The following FRY variants were observed in gnomAD, a reference collection of about 807,000 sequenced individuals.
FRY encodes the protein FRY microtubule binding protein.
A neutral mutation model predicts 348.4 loss-of-function variants in FRY; 128 were observed. That is an observed-to-expected ratio of 0.37 (90% CI 0.32 to 0.43). The LOEUF is 0.43. Ranked by LOEUF, FRY falls within the 20% of genes least tolerant of loss-of-function variation. The pLI is 1.00. For synonymous variants in FRY, 1,370 were observed against 1,374.7 expected (o/e 1.00, Z 0.08); for missense variants, 2,736 against 3,695.2 (o/e 0.74, Z 6.73).
chr13:32,060,478 C>T (rs922998270), intron 1 of FRY, among the ~76,000 whole-genome samples: 1 of 152,186 alleles, frequency 6.6e-6, no homozygotes, highest in Non-Finnish European at 1.5e-5. Flanking sequence ...TATGGTTTCT[C>T]GCTGACTCTT....
intron 2 of FRY, among the ~76,000 whole-genome samples, chr13:32,093,190 C>A (rs1876447923): frequency 6.6e-6 from 1 of 152,134 alleles, no homozygotes; most frequent in Non-Finnish European, 1.5e-5. Context: ...TAAAAAAATT[C>A]TTCTCTAAAC....
At chr13:32,077,775 T>C (rs1875181847) in intron 1 of FRY, among the ~76,000 whole-genome samples, 1 of 152,196 alleles carries the variant, frequency 6.6e-6, no homozygotes. Flanking sequence ...GACACCACCA[T>C]TCTCTTGATG....
intron 13 of FRY, among the ~76,000 whole-genome samples, chr13:32,148,348 G>A (rs1458468816): frequency 6.6e-6 from 1 of 152,086 alleles, no homozygotes; most frequent in Non-Finnish European, 1.5e-5. Flanking sequence ...AAAATTTGAG[G>A]AATAAATAAT....
At chr13:32,144,432 G>T (rs150662191) in intron 11 of FRY, among the ~76,000 whole-genome samples, 1,916 of 150,978 alleles carry the variant, frequency 0.013, 68 homozygotes, top group Admixed American at 0.063. Context: ...TTAAAATGAT[G>T]TTGTATTAGT....
chr13:32,130,246 G>T (rs919951364), intron 7 of FRY, among the ~76,000 whole-genome samples: 1 of 151,796 alleles, frequency 6.6e-6, no homozygotes, highest in South Asian at 2.1e-4. Flanking sequence ...TCACCATGTT[G>T]GTCAGGCTGG....
rs746843324 is a variant in FRY, at chr13:32,231,270, G to C, written c.5497G>C (p.Val1833Leu). ...AEQLTNFLRH[V>L]VSVFKDSKSG... ...ACAGCTCACTAATTTTCTACGTCACGTTGTATCTGTATTTAAAGATTCCAA... is the reference window on the plus strand; with the variant it reads ...ACAGCTCACTAATTTTCTACGTCACCTTGTATCTGTATTTAAAGATTCCAA... Residue 1833 changes from valine (V) to leucine (L), a missense_variant, in exon 41 of 61, where the codon GTT becomes CTT. By Grantham distance (32) the Val-to-Leu change is conservative. This residue lies in a region of FRY where 794 missense variants were observed against 977.0 expected (regional missense o/e 0.81). Coordinates refer to ENST00000542859, the MANE Select transcript of FRY (RefSeq NM_023037.3). The C allele has an allele frequency of 2.5e-6, 4 of 1,613,334 alleles. No individual in the cohort carries two copies. In the Admixed American group the frequency reaches 6.7e-5, roughly 27 times the overall value.
chr13:32,265,438 T>C lies in FRY; in HGVS notation c.7780-12T>C. ...CACATTGGGGGATTCTTTTGTCTTT[T>C]TATTCTTCCAGGCTGAAGCTGTTCG... On this transcript the variant is annotated splice_polypyrimidine_tract_variant and intron_variant, in intron 53 of 60. Transcript: ENST00000542859. 1.9e-6 allele frequency: 3 copies of C among 1,613,984 alleles called. No homozygotes were observed. The highest frequency in any genetic ancestry group is 2.5e-6 in the Non-Finnish European group (3 of 1,179,902).
chr13:32,184,719 C>T (rs1259830415), intron 25 of FRY, 28 bp downstream of exon 25: 1 of 1,254,060 alleles, frequency 8.0e-7, no homozygotes, highest in Non-Finnish European at 1.2e-6. Flanking sequence ...CCGAGTTGCT[C>T]TCTTCTCACC....
At chr13:32,041,283 CTTTTTTTT>C (rs11286980) in intron 1 of FRY, among the ~76,000 whole-genome samples, 16 of 65,006 alleles carry the variant, frequency 2.5e-4, no homozygotes, top group South Asian at 7.3e-4. Context: ...TAATCTTCTG[CTTTTTTTT>C]TTTTTTTTTT....
rs1400576919 is a variant in FRY at position 32,265,527 on chromosome 13, A to G, written c.7857A>G (p.Ala2619=). ...DLSSSINELP[A]AFECSDSFSL... is the part of the protein sequence containing the mutation. ...CTAGTTCCATCAATGAACTCCCAGC[A>G]GCTTTTGAATGCAGCGACAGCTTTA... Residue 2619 remains alanine (A), a synonymous_variant, in exon 54 of 61, where the codon GCA becomes GCG. Coordinates refer to ENST00000542859, the MANE Select transcript of FRY (RefSeq NM_023037.3). 6.2e-7 allele frequency: 1 copy of G among 1,614,100 alleles called. No homozygotes were observed. Among genetic ancestry groups the G allele is most frequent in the Admixed American group, 1.7e-5 (1 of 60,004 alleles).
intron 28 of FRY, among the ~76,000 whole-genome samples, chr13:32,192,538 C>T (rs985760109): frequency 6.6e-6 from 1 of 151,958 alleles, no homozygotes; most frequent in Non-Finnish European, 1.5e-5. Flanking sequence ...ATATCGTCAG[C>T]TTTTATCTGC....
Position 32,175,535 on chromosome 13 carries a change from C to A in FRY, c.2335-11C>A, listed in dbSNP as rs746114088. 5.1e-6 allele frequency: 8 copies of A among 1,569,478 alleles called. No individual in the cohort carries two copies. The highest frequency in any genetic ancestry group is 3.3e-4 in the Middle Eastern group (2 of 5,992). ...TTTCCCATAGAGAGTAATCGCCTCC[C>A]CTTTGTACAGGATGACGACAGGCCG... On this transcript the variant is annotated splice_polypyrimidine_tract_variant and intron_variant, in intron 19 of 60. Transcript: ENST00000542859.
intron 17 of FRY, among the ~76,000 whole-genome samples, chr13:32,165,766 A>G (rs1048230167): frequency 1.3e-5 from 2 of 152,232 alleles, no homozygotes. Context: ...ATTAAAAGCT[A>G]CTAAGCTGAT....
intron 4 of FRY, among the ~76,000 whole-genome samples, chr13:32,122,724 A>G (rs1162155224): frequency 6.6e-6 from 1 of 152,222 alleles, no homozygotes; most frequent in East Asian, 1.9e-4. Context: ...GGGCATCCAT[A>G]TAAGTAAAGA....
At chr13:32,095,337 CTTTTTTTTTTTT>C (rs61006034) in intron 2 of FRY, among the ~76,000 whole-genome samples, 1 of 58,344 alleles carries the variant, frequency 1.7e-5, no homozygotes, top group African/African-American at 7.1e-5. Context: ...TGTATGGAAG[CTTTTTTTTTTTT>C]TTTTTTTTTT....
chr13:32,273,221 T>C (rs1224864739), intron 55 of FRY, among the ~76,000 whole-genome samples: 2 of 148,522 alleles, frequency 1.3e-5, no homozygotes, highest in Non-Finnish European at 3.0e-5. Flanking sequence ...ATTTAACTGT[T>C]CTTTTTTTTT....
chr13:32,143,760 C>T (rs1380048395), intron 11 of FRY, among the ~76,000 whole-genome samples: 3 of 152,194 alleles, frequency 2.0e-5, no homozygotes, highest in South Asian at 2.1e-4. Flanking sequence ...GCAGGGGCTA[C>T]ATTTCCCTTG....
chr13:32,061,592 G>A (rs1490314388), intron 1 of FRY, among the ~76,000 whole-genome samples: 1 of 152,128 alleles, frequency 6.6e-6, no homozygotes, highest in Non-Finnish European at 1.5e-5. Context: ...TAATGTTAAT[G>A]CCCTTACTTG....
chr13:32,279,058 T>C (rs920732057), intron 58 of FRY, among the ~76,000 whole-genome samples: 1 of 152,192 alleles, frequency 6.6e-6, no homozygotes, highest in Non-Finnish European at 1.5e-5. Flanking sequence ...GTGCCTCCTG[T>C]ATGGCCCCAT....
Sources: allele counts gnomAD v4.1 joint callset (sites outside exome capture counted in the v4.1 genomes callset), GRCh38; gene constraint gnomAD v4.1.1; regional missense constraint gnomAD v4.1.1; transcripts MANE v1.5; gene names NCBI Gene and HGNC (gene_info 2026-07-23, HGNC 2026-07-21).